Variants in IQCH observed in about 807,000 individuals in gnomAD.
The protein encoded by IQCH is IQ motif containing H.
A neutral mutation model predicts 117.0 loss-of-function variants in IQCH; 98 were observed. The observed-to-expected ratio is 0.84, with a 90% CI of 0.71 to 0.99. The LOEUF (loss-of-function observed/expected upper bound fraction) is 0.99, where lower values mean the gene tolerates loss of function less well. IQCH is among the 50% of genes least tolerant of loss of function. IQCH has a pLI of 0.00. For synonymous variants in IQCH, 412 were observed against 448.2 expected, an observed-to-expected ratio of 0.92 and a Z score of 1.02; for missense variants, 1,102 against 1,243.8, an observed-to-expected ratio of 0.89 and a Z score of 1.72.
chr15:67,394,480 A>G (rs1194688268), intron 12 of IQCH, among the ~76,000 whole-genome samples: 1 of 152,034 alleles, frequency 6.6e-6, no homozygotes, highest in Non-Finnish European at 1.5e-5. Flanking sequence ...TCTCTGCCCC[A>G]TCTCAGTTAT....
Position 67,388,269 on chromosome 15 carries a change from T to C in IQCH, c.1457-562T>C, listed in dbSNP as rs923827599. Among the ~76,000 whole-genome samples the C allele has an allele frequency of 6.6e-6, 1 of 152,224 alleles. No homozygotes were observed. Among genetic ancestry groups the C allele is most frequent in the Non-Finnish European group, 1.5e-5 (1 of 68,032 alleles). ...TTAAACCAAGAATCACTAGACCTGC[T>C]ATTTAAGTAATGTACTCCTCTTTGG... On this transcript the variant is annotated intron_variant, in intron 11 of 20. Coordinates refer to ENST00000335894, the MANE Select transcript of IQCH (RefSeq NM_001031715.3). This position sits in a 1 kb window ranked among gnomAD's most constrained non-coding sequence, Gnocchi z 5.5.
chr15:67,368,210 G>T, intron 8 of IQCH, among the ~76,000 whole-genome samples: 1 of 152,284 alleles, frequency 6.6e-6, no homozygotes, highest in East Asian at 1.9e-4. Context: ...CTCTGGGCCC[G>T]TAATAGCCTA....
intron 3 of IQCH, among the ~76,000 whole-genome samples, chr15:67,273,701 G>A (rs1230323463): frequency 6.6e-6 from 1 of 152,160 alleles, no homozygotes; most frequent in East Asian, 1.9e-4. Context: ...TTGAGTAGGT[G>A]TTACACCACA....
intron 4 of IQCH, chr15:67,281,635 TGACTG>T: frequency 2.2e-6 from 1 of 452,360 alleles, no homozygotes; most frequent in South Asian, 1.6e-5. Context: ...ATCCAGGAAA[TGACTG>T]GAAAGGGGAG....
chr15:67,359,024 A>G lies in IQCH; in HGVS notation c.715-823A>G, dbSNP rs1015993258. On this transcript the variant is annotated intron_variant, in intron 7 of 20. Transcript: ENST00000335894. This position sits in a 1 kb window ranked among gnomAD's most constrained non-coding sequence, Gnocchi z 4.5. ...CAAATCCCAAGACAGACAGGCCTTC[A>G]GGCGAGTGTTTGGCCTGCACCATTA... Among the ~76,000 whole-genome samples, 1 of 152,254 alleles carries G rather than the reference A, an allele frequency of 6.6e-6. No homozygotes were observed. Among genetic ancestry groups the G allele is most frequent in the African/African-American group, 2.4e-5 (1 of 41,468 alleles).
At chr15:67,351,241 TC>T (rs1007652810) in intron 6 of IQCH, among the ~76,000 whole-genome samples, 1 of 151,854 alleles carries the variant, frequency 6.6e-6, no homozygotes, top group Non-Finnish European at 1.5e-5. Flanking sequence ...CCCTCCTGCT[TC>T]CCCCCACCCC....
rs1219462948 is a variant in IQCH, at chr15:67,463,214, A to T, written c.2506-1913A>T. 1.3e-5 allele frequency among the ~76,000 whole-genome samples: 2 copies of T among 152,154 alleles called. No homozygotes were observed. Among genetic ancestry groups the T allele is most frequent in the Non-Finnish European group, 2.9e-5 (2 of 68,026 alleles). Reference sequence around the variant, plus strand: ...AAATACAGGCCTTCTAGGAGGAAAAACTGTTTAATCAAGTCTTCATGAAAA... The same window carrying T: ...AAATACAGGCCTTCTAGGAGGAAAATCTGTTTAATCAAGTCTTCATGAAAA... On this transcript the variant is annotated intron_variant, in intron 16 of 20. Transcript: ENST00000335894. The surrounding 1 kb of genome is among the most constrained non-coding windows in gnomAD (Gnocchi z 4.0).
intron 3 of IQCH, among the ~76,000 whole-genome samples, chr15:67,276,443 T>G (rs1389825480): frequency 1.3e-5 from 2 of 152,224 alleles, no homozygotes; most frequent in Non-Finnish European, 2.9e-5. Context: ...GTTTTCTTTT[T>G]GCCTCATATA....
chr15:67,359,798 G>T lies in IQCH; in HGVS notation c.715-49G>T. On this transcript the variant is annotated intron_variant, in intron 7 of 20. Transcript: ENST00000335894. This position sits in a 1 kb window ranked among gnomAD's most constrained non-coding sequence, Gnocchi z 4.5. The stretch of plus-strand genomic sequence containing the variant: ...AGCCTTCTATTTGTTTTGTAAAATT[G>T]CCCATGAGAGTCGTTTTGATTTAAA... 1 of 1,506,066 alleles carries T rather than the reference G, an allele frequency of 6.6e-7. No individual in the cohort carries two copies. Among genetic ancestry groups the T allele is most frequent in the Non-Finnish European group, 9.2e-7 (1 of 1,081,448 alleles). The allele number at this position is 1,506,066 out of a possible 1,614,324, so 93.3% of individuals were successfully genotyped here.
chr15:67,307,000 T>C, intron 4 of IQCH: 2 of 1,352,220 alleles, frequency 1.5e-6, no homozygotes, highest in African/African-American at 1.5e-5. Flanking sequence ...GCTTGAAACA[T>C]GTATCTGTTA....
At chr15:67,321,430 CCTT>C (rs1438009334) in intron 4 of IQCH, among the ~76,000 whole-genome samples, 11 of 152,026 alleles carry the variant, frequency 7.2e-5, no homozygotes, top group African/African-American at 2.2e-4. Flanking sequence ...TTCCTTCCTT[CCTT>C]CTTTTCTTTT....
chr15:67,494,442 CAA>C lies in IQCH; in HGVS notation c.2970+77_2970+78del. ...AAAATACCTCATGCTGTATTGTAAA[CAA>C]GTGCTAAACCATCTTTTTTTTATTG... On this transcript the variant is annotated intron_variant, in intron 20 of 20. Transcript: ENST00000335894. The surrounding 1 kb of genome is among the most constrained non-coding windows in gnomAD (Gnocchi z 5.5). The C allele has an allele frequency of 1.0e-6, 1 of 976,296 alleles. No individual in the cohort carries two copies. The highest frequency in any genetic ancestry group is 1.6e-6 in the Non-Finnish European group (1 of 638,698). 60.5% of individuals were successfully genotyped at this position (976,296 alleles called of 1,614,324 possible). A position where few individuals can be genotyped will look rare whatever the true frequency, so the allele number is the denominator to read the frequency against.
chr15:67,395,637 C>A lies in IQCH; in HGVS notation c.1905+74C>A. On this transcript the variant is annotated intron_variant, in intron 13 of 20. Transcript: ENST00000335894. This position sits in a 1 kb window ranked among gnomAD's most constrained non-coding sequence, Gnocchi z 4.0. ...TCTTGATCTTGGACAATTTCCAAGT[C>A]TTCTGGAGCCAGACCTACCCAATGA... The A allele has an allele frequency of 1.4e-6, 2 of 1,428,316 alleles. No homozygotes were observed. Among genetic ancestry groups the A allele is most frequent in the Non-Finnish European group, 1.9e-6 (2 of 1,033,518 alleles). The allele number at this position is 1,428,316 out of a possible 1,614,324, so 88.5% of individuals were successfully genotyped here. A position where few individuals can be genotyped will look rare whatever the true frequency, so the allele number is the denominator to read the frequency against.
intron 6 of IQCH, among the ~76,000 whole-genome samples, chr15:67,345,988 AT>A (rs1447375723): frequency 2.0e-5 from 3 of 152,162 alleles, no homozygotes; most frequent in Admixed American, 6.5e-5. Context: ...AAGTTTATAT[AT>A]TTTTAATTCA....
chr15:67,400,230 C>T lies in IQCH; in HGVS notation c.2022C>T (p.Tyr674=), dbSNP rs1207545657. ...CTGCATTTTGTGATATTCCTTCCTACCTAAAGTGCTACAAATGGGTGCTAA... is the reference window on the plus strand; with the variant it reads ...CTGCATTTTGTGATATTCCTTCCTATCTAAAGTGCTACAAATGGGTGCTAA... ...NGTAFCDIPS[Y]LKCYKWVLKE... The change falls in exon 14 of 21, where the codon TAC becomes TAT. Residue 674 remains tyrosine, a synonymous_variant. Transcript: ENST00000335894. 2.5e-6 allele frequency: 4 copies of T among 1,613,522 alleles called. No homozygotes were observed. In the South Asian group the frequency reaches 3.3e-5, roughly 13 times the overall value.
At chr15:67,279,130 G>A (rs1435258820) in intron 3 of IQCH, among the ~76,000 whole-genome samples, 3 of 152,100 alleles carry the variant, frequency 2.0e-5, no homozygotes, top group African/African-American at 7.2e-5. Context: ...TCTGTCAGTT[G>A]TTAATCATAT....
In IQCH at chr15:67,500,509, A is replaced by G. The variant is rs2083950362; in HGVS notation, c.2971-124A>G. On this transcript the variant is annotated intron_variant, in intron 20 of 20. Transcript: ENST00000335894. The surrounding 1 kb of genome is among the most constrained non-coding windows in gnomAD (Gnocchi z 4.4). ...AAGCCATAATCTGTAGACAAATGCC[A>G]GTTGGTAGAATACATTCTGAATAGA... is the stretch of plus-strand genomic sequence containing the variant. 2.3e-6 allele frequency: 1 copy of G among 441,860 alleles called. No individual in the cohort carries two copies. Among genetic ancestry groups the G allele is most frequent in the Non-Finnish European group, 4.1e-6 (1 of 241,356 alleles). The allele number at this position is 441,860 out of a possible 1,614,324, so 27.4% of individuals were successfully genotyped here.
chr15:67,373,923 C>T (rs114792672), intron 10 of IQCH: 311 of 170,226 alleles, frequency 1.8e-3, no homozygotes, highest in East Asian at 8.6e-3. Flanking sequence ...GCACCTAGGG[C>T]GCCTGAGCAA....
At chr15:67,346,320 C>CCCA (rs1555458277) in intron 6 of IQCH, among the ~76,000 whole-genome samples, 2 of 151,648 alleles carry the variant, frequency 1.3e-5, no homozygotes, top group African/African-American at 4.8e-5. Context: ...AACCCCCCCC[C>CCCA]AAAAAAATAC....
Sources: gnomAD v4.1 joint callset for allele counts (sites outside exome capture counted in the v4.1 genomes callset) on GRCh38, gnomAD v4.1.1 for gene constraint, Gnocchi (gnomAD v3.1) non-coding constraint, MANE v1.5 for transcripts, NCBI Gene and HGNC (gene_info 2026-07-23, HGNC 2026-07-21) for gene names.